GAS7: variants seen among roughly 807,000 people sequenced by gnomAD.
GAS7 encodes the protein growth arrest-specific protein 7.
GAS7 carries 28 observed loss-of-function variants against 71.1 expected under a neutral mutation model. The observed-to-expected ratio is 0.39, with a 90% confidence interval of 0.29 to 0.54. The LOEUF (loss-of-function observed/expected upper bound fraction) is 0.54. GAS7 is among the 20% of genes least tolerant of loss of function. The pLI, the probability that GAS7 is intolerant of heterozygous loss-of-function variation, is 0.62. For missense variants in GAS7, 436 were observed against 627.8 expected, an observed-to-expected ratio of 0.69 and a Z score of 3.27; for synonymous variants, 258 against 245.8, an observed-to-expected ratio of 1.05 and a Z score of -0.46.
chr17:10,137,198 G>A (rs769492834), intron 1 of GAS7, among the ~76,000 whole-genome samples: 2 of 152,018 alleles, frequency 1.3e-5, no homozygotes, highest in East Asian at 1.9e-4. Flanking sequence ...GGGCATCACC[G>A]CCATTCCTCA....
chr17:10,076,934 T>C (rs2073400943), intron 1 of GAS7, among the ~76,000 whole-genome samples: 1 of 152,196 alleles, frequency 6.6e-6, no homozygotes, highest in Non-Finnish European at 1.5e-5. Context: ...CCACCTCTAA[T>C]ACAACTTCTA....
chr17:10,019,910 A>G lies in GAS7; in HGVS notation c.184-13T>C. Reference sequence around the variant, plus strand: ...CCATTCCAGGCTTCTGTTGGAGAAGAAAGAAAAGGTCACACCCATTTGGCA... The same window carrying G: ...CCATTCCAGGCTTCTGTTGGAGAAGGAAGAAAAGGTCACACCCATTTGGCA... On this transcript the variant is annotated splice_polypyrimidine_tract_variant and intron_variant, in intron 1 of 13. Coordinates refer to ENST00000432992, the MANE Select transcript of GAS7 (RefSeq NM_201433.2). 1.9e-6 allele frequency: 3 copies of G among 1,612,318 alleles called. No homozygotes were observed. Among genetic ancestry groups the G allele is most frequent in the Non-Finnish European group, 2.5e-6 (3 of 1,179,664 alleles).
chr17:10,011,558 G>C (rs1231398453), intron 2 of GAS7, among the ~76,000 whole-genome samples: 2 of 152,162 alleles, frequency 1.3e-5, no homozygotes, highest in Admixed American at 1.3e-4. Flanking sequence ...ACTTGGCATT[G>C]TTCTTTGGCT....
intron 5 of GAS7, 70 bp from the exon 6 acceptor site, chr17:9,947,053 G>T: frequency 2.0e-6 from 2 of 1,020,126 alleles, no homozygotes; most frequent in Non-Finnish European, 3.1e-6. Context: ...TTCGGCTCCT[G>T]GGGGACACGG....
intron 1 of GAS7, among the ~76,000 whole-genome samples, chr17:10,023,690 G>A (rs1435256555): frequency 6.6e-6 from 1 of 152,244 alleles, no homozygotes; most frequent in Non-Finnish European, 1.5e-5. Flanking sequence ...CTGGGGAGGG[G>A]AGAATGGGTA....
intron 4 of GAS7, among the ~76,000 whole-genome samples, chr17:9,967,100 C>T (rs1315052677): frequency 6.6e-6 from 1 of 151,912 alleles, no homozygotes; most frequent in African/African-American, 2.4e-5. Context: ...TTTAGGCAGC[C>T]ACTATCTACC....
intron 1 of GAS7, among the ~76,000 whole-genome samples, chr17:10,136,985 A>C (rs568384739): frequency 8.1e-4 from 124 of 152,226 alleles, no homozygotes; most frequent in African/African-American, 2.6e-3. Flanking sequence ...ATGGTGGCGC[A>C]CACCTGTAGT....
intron 1 of GAS7, among the ~76,000 whole-genome samples, chr17:10,158,034 G>A (rs976547433): frequency 2.0e-5 from 3 of 151,912 alleles, no homozygotes; most frequent in Non-Finnish European, 2.9e-5. Flanking sequence ...TTTTTGAGAC[G>A]GAGTCTCGCT....
In GAS7 at chr17:10,183,622, G is replaced by A. The variant is rs528223909; in HGVS notation, c.183+14586C>T. Among the ~76,000 whole-genome samples, 249 of 152,278 alleles carry A rather than the reference G, an allele frequency of 1.6e-3. 1 individual carries two copies. The highest frequency in any genetic ancestry group is 5.8e-3 in the African/African-American group (241 of 41,572). On this transcript the variant is annotated intron_variant, in intron 1 of 13. Coordinates refer to ENST00000432992, the MANE Select transcript of GAS7 (RefSeq NM_201433.2). ...TGGGAGGCCGACACGGGCGGATCAC[G>A]AGGTCAGGAGATCGAGACCATCCTG...
chr17:10,005,050 T>TATATATATATATATATATATACACACAC (rs1296844463), intron 2 of GAS7, among the ~76,000 whole-genome samples: 3 of 150,080 alleles, frequency 2.0e-5, no homozygotes, highest in African/African-American at 7.5e-5. Flanking sequence ...TACATATATA[T>TATATATATATATATATATATACACACAC]ACACATATAT....
At chr17:9,924,088 G>A (rs569943354) in intron 11 of GAS7, among the ~76,000 whole-genome samples, 1 of 152,254 alleles carries the variant, frequency 6.6e-6, no homozygotes, top group African/African-American at 2.4e-5. Flanking sequence ...AAAACACTAG[G>A]AAGAGATGGT....
At chr17:10,074,243 C>T (rs1597774918) in intron 1 of GAS7, among the ~76,000 whole-genome samples, 1 of 152,254 alleles carries the variant, frequency 6.6e-6, no homozygotes, top group East Asian at 1.9e-4. Flanking sequence ...TTTCTTGCTC[C>T]CTCCCATCTT....
chr17:10,104,907 C>A (rs1290441432), intron 1 of GAS7, among the ~76,000 whole-genome samples: 3 of 152,186 alleles, frequency 2.0e-5, no homozygotes, highest in African/African-American at 4.8e-5. Flanking sequence ...TATAAAACAT[C>A]CATCAAATTA....
chr17:9,926,834 G>A lies in GAS7; in HGVS notation c.886-65C>T. On this transcript the variant is annotated intron_variant, in intron 9 of 13. Transcript: ENST00000432992. This position sits in a 1 kb window ranked among gnomAD's most constrained non-coding sequence, Gnocchi z 5.0. ...ATCAGCTGTAAGCCAGTGCAGGGAG[G>A]AGGGATGGGAGGGGCACCCCCACTT... The A allele has an allele frequency of 2.6e-6, 4 of 1,552,214 alleles. No individual in the cohort carries two copies. The highest frequency in any genetic ancestry group is 1.4e-5 in the African/African-American group (1 of 73,758).
intron 1 of GAS7, among the ~76,000 whole-genome samples, chr17:10,185,218 C>A (rs984392539): frequency 6.6e-6 from 1 of 152,186 alleles, no homozygotes; most frequent in East Asian, 1.9e-4. Flanking sequence ...AGCCACCCTG[C>A]CCAGCCTATA....
At chr17:10,099,664 A>G (rs1051726387) in intron 1 of GAS7, among the ~76,000 whole-genome samples, 3 of 152,208 alleles carry the variant, frequency 2.0e-5, no homozygotes, top group African/African-American at 7.2e-5. Context: ...AAATGTGTGT[A>G]CATATACAAC....
chr17:10,016,569 A>G (rs2152199940), intron 2 of GAS7, among the ~76,000 whole-genome samples: 1 of 142,492 alleles, frequency 7.0e-6, no homozygotes, highest in East Asian at 2.0e-4. Context: ...GTTCGGGATC[A>G]GCCTAGGCAA....
intron 1 of GAS7, chr17:10,036,534 T>A (rs1181059911): frequency 6.3e-6 from 10 of 1,598,016 alleles, no homozygotes; most frequent in Non-Finnish European, 7.7e-6. Flanking sequence ...TCCGCCGGCT[T>A]CCTCTTCATG....
intron 1 of GAS7, among the ~76,000 whole-genome samples, chr17:10,175,936 C>T (rs1255355656): frequency 6.6e-6 from 1 of 152,196 alleles, no homozygotes; most frequent in African/African-American, 2.4e-5. Context: ...ACTCCCACAG[C>T]CCTGACTGTC....
Sources: gnomAD v4.1 joint callset for allele counts (sites outside exome capture counted in the v4.1 genomes callset) on GRCh38, gnomAD v4.1.1 for gene constraint, Gnocchi (gnomAD v3.1) non-coding constraint, MANE v1.5 for transcripts, NCBI Gene and HGNC (gene_info 2026-07-23, HGNC 2026-07-21) for gene names.